AFF3: variants seen among roughly 807,000 people sequenced by gnomAD.
AFF3 encodes ALF transcription elongation factor 3, also known as AF4/FMR2 family member 3.
A neutral mutation model predicts 129.7 loss-of-function variants in AFF3; 32 were observed. The observed-to-expected ratio is 0.25, with a 90% CI of 0.19 to 0.33. The LOEUF is 0.33. Ranked by LOEUF, AFF3 falls within the 10% of genes least tolerant of loss-of-function variation. The pLI, the probability that AFF3 is intolerant of heterozygous loss-of-function variation, is 1.00. For synonymous variants in AFF3, 644 were observed against 635.4 expected (o/e 1.01, Z -0.20); for missense variants, 1,373 against 1,592.0 (o/e 0.86, Z 2.34).
intron 8 of AFF3, among the ~76,000 whole-genome samples, chr2:99,767,483 T>C (rs1683122130): frequency 6.6e-6 from 1 of 152,242 alleles, no homozygotes; most frequent in Non-Finnish European, 1.5e-5. Flanking sequence ...CACAGGTGTT[T>C]TGTGCTAAGC....
At chr2:99,904,149 A>C (rs1353454353) in intron 7 of AFF3, among the ~76,000 whole-genome samples, 1 of 152,156 alleles carries the variant, frequency 6.6e-6, no homozygotes, top group Non-Finnish European at 1.5e-5. Context: ...CTGGAAATGG[A>C]AGCTACGATT....
rs368054736 is a variant in AFF3 at position 99,767,740 on chromosome 2, G to A, written c.922-15439C>T. Among the ~76,000 whole-genome samples, 239 of 152,202 alleles carry A rather than the reference G, an allele frequency of 1.6e-3. 2 individuals carry two copies. In the South Asian group the frequency reaches 0.036, roughly 23 times the overall value. On this transcript the variant is annotated intron_variant, in intron 8 of 24. Transcript: ENST00000672756. ...TGGGAGGCCGAGGCGGGCGGATCAC[G>A]AGGTCAGGAGATTGAGACCACGGTG... is the stretch of plus-strand genomic sequence containing the variant.
chr2:99,942,062 A>C (rs905282969), intron 7 of AFF3, among the ~76,000 whole-genome samples: 1 of 152,212 alleles, frequency 6.6e-6, no homozygotes, highest in Non-Finnish European at 1.5e-5. Flanking sequence ...TCAATCATTG[A>C]AAGATTATCT....
intron 8 of AFF3, among the ~76,000 whole-genome samples, chr2:99,781,539 C>A (rs1299678456): frequency 1.3e-5 from 2 of 152,220 alleles, no homozygotes; most frequent in Non-Finnish European, 2.9e-5. Flanking sequence ...TGGAACACAG[C>A]CACACCACTT....
chr2:99,616,291 T>C (rs1681422522), intron 13 of AFF3, among the ~76,000 whole-genome samples: 4 of 152,120 alleles, frequency 2.6e-5, no homozygotes, highest in South Asian at 2.1e-4. Flanking sequence ...TCCATCCTCA[T>C]GGAAACTCCA....
chr2:99,938,728 T>G (rs1291228506), intron 7 of AFF3, among the ~76,000 whole-genome samples: 1 of 152,182 alleles, frequency 6.6e-6, no homozygotes, highest in East Asian at 1.9e-4. Flanking sequence ...CAACATCAAC[T>G]CTTCCCTGGG....
intron 2 of AFF3, among the ~76,000 whole-genome samples, chr2:100,118,507 T>A (rs142060281): frequency 3.3e-4 from 50 of 152,334 alleles, no homozygotes; most frequent in African/African-American, 1.1e-3. Context: ...TATTACAGTG[T>A]CAGCATCTAG....
At chr2:100,070,081 T>TA (rs1688049887) in intron 4 of AFF3, among the ~76,000 whole-genome samples, 1 of 152,164 alleles carries the variant, frequency 6.6e-6, no homozygotes, top group African/African-American at 2.4e-5. Flanking sequence ...GGGTGAGTGT[T>TA]AAGATACTCC....
In AFF3 at chr2:100,039,687, C is replaced by A. The variant is rs527816031; in HGVS notation, c.54-30755G>T. Among the ~76,000 whole-genome samples, 133 of 152,122 alleles carry A rather than the reference C, an allele frequency of 8.7e-4. 1 individual carries two copies. Among genetic ancestry groups the A allele is most frequent in the Non-Finnish European group, 1.6e-3 (111 of 68,040 alleles). On this transcript the variant is annotated intron_variant, in intron 4 of 24. Coordinates refer to ENST00000672756, the MANE Select transcript of AFF3 (RefSeq NM_001386135.1). ...GGCTGGCTCCCTAATGGGTCATGTTCCTTTACATCCATATGCCTTCGCTCA... is the reference window on the plus strand; with the variant it reads ...GGCTGGCTCCCTAATGGGTCATGTTACTTTACATCCATATGCCTTCGCTCA...
intron 4 of AFF3, among the ~76,000 whole-genome samples, chr2:100,068,165 G>T (rs918489373): frequency 2.0e-5 from 3 of 152,164 alleles, no homozygotes; most frequent in Non-Finnish European, 1.5e-5. Context: ...CTCTCTTAAT[G>T]CTCTAAGTTC....
At chr2:99,649,763 C>T in intron 12 of AFF3, 97 bp from the exon 13 acceptor site, 2 of 1,416,574 alleles carry the variant, frequency 1.4e-6, no homozygotes, top group Non-Finnish European at 2.0e-6. Context: ...GCATTACACA[C>T]ATTTTTGCCA....
chr2:99,640,061 G>A (rs935354284), intron 13 of AFF3, among the ~76,000 whole-genome samples: 30 of 152,144 alleles, frequency 2.0e-4, no homozygotes, highest in Admixed American at 1.3e-4. Flanking sequence ...AGGCATGCAG[G>A]AGCCTCACCT....
At chr2:99,564,662 G>T (rs1171014287) in intron 20 of AFF3, among the ~76,000 whole-genome samples, 1 of 152,184 alleles carries the variant, frequency 6.6e-6, no homozygotes, top group African/African-American at 2.4e-5. Context: ...AGACCAAAAA[G>T]ATCACATCCT....
intron 11 of AFF3, among the ~76,000 whole-genome samples, chr2:99,725,382 C>T (rs778311529): frequency 8.5e-5 from 13 of 152,246 alleles, no homozygotes; most frequent in Admixed American, 5.9e-4. Flanking sequence ...TTGAGACAGT[C>T]TTACTTTGTC....
At chr2:100,121,364 C>T (rs182667311) in intron 2 of AFF3, among the ~76,000 whole-genome samples, 5 of 152,218 alleles carry the variant, frequency 3.3e-5, no homozygotes, top group South Asian at 2.1e-4. Flanking sequence ...GAGAGGAGTC[C>T]GGCCAGGGAT....
intron 7 of AFF3, among the ~76,000 whole-genome samples, chr2:99,868,015 TC>T (rs746387597): frequency 1.7e-4 from 17 of 102,568 alleles, no homozygotes; most frequent in African/African-American, 3.6e-4. Flanking sequence ...TCTCTTTCTT[TC>T]CTTTTTTTTT....
rs184630114 is a variant in AFF3, at chr2:99,759,021, A to G, written c.922-6720T>C. Among the ~76,000 whole-genome samples, 7 of 152,246 alleles carry G rather than the reference A, an allele frequency of 4.6e-5. No homozygotes were observed. The East Asian group carries it at 1.4e-3, about 29-fold the overall frequency. ...CTGCTTTTACTTACACCATCCCCTT[A>G]GTGTGTGAATACCCTTCCTCATATG... On this transcript the variant is annotated intron_variant, in intron 8 of 24. Transcript: ENST00000672756.
chr2:99,902,580 A>G (rs1255999466), intron 7 of AFF3, among the ~76,000 whole-genome samples: 1 of 152,164 alleles, frequency 6.6e-6, no homozygotes, highest in Non-Finnish European at 1.5e-5. Flanking sequence ...AGTTTTTGTG[A>G]ATCAAAGTTG....
intron 8 of AFF3, among the ~76,000 whole-genome samples, chr2:99,814,656 C>T (rs1558875996): frequency 6.6e-6 from 1 of 152,106 alleles, no homozygotes; most frequent in Non-Finnish European, 1.5e-5. Flanking sequence ...ATCACACTAG[C>T]TCCGGCTCCT....
Sources: allele counts gnomAD v4.1 joint callset (sites outside exome capture counted in the v4.1 genomes callset), GRCh38; gene constraint gnomAD v4.1.1; transcripts MANE v1.5; gene names NCBI Gene and HGNC (gene_info 2026-07-23, HGNC 2026-07-21).